Variants in PHF8 observed in about 807,000 individuals in gnomAD.
The protein encoded by PHF8 is PHD finger protein 8, also known as histone lysine demethylase PHF8.
PHF8 carries 9 observed loss-of-function variants against 74.4 expected under a neutral mutation model. The observed-to-expected ratio is 0.12, with a 90% CI of 0.07 to 0.21. PHF8 has a LOEUF of 0.21. Ranked by LOEUF, PHF8 falls within the 10% of genes least tolerant of loss-of-function variation. PHF8 has a pLI of 1.00. For missense variants in PHF8, 478 were observed against 816.6 expected, an observed-to-expected ratio of 0.59 and a Z score of 5.05; for synonymous variants, 311 against 316.6, an observed-to-expected ratio of 0.98 and a Z score of 0.19.
upstream of PHF8, among the ~76,000 whole-genome samples, chrX:54,047,017 T>C (rs1368936891): frequency 9.0e-6 from 1 of 111,504 alleles, no homozygotes; most frequent in Non-Finnish European, 1.9e-5. Context: ...TTTGAACCAA[T>C]TGTTGTTTAA....
chrX:54,039,633 T>C (rs1403318255), intron 2 of PHF8: 3 of 112,253 alleles, frequency 2.7e-5, no homozygotes, highest in African/African-American at 9.7e-5. Context: ...GCAAAGATGC[T>C]TTCCATAATG....
chrX:53,956,018 G>A (rs1411752111), intron 19 of PHF8, among the ~76,000 whole-genome samples: 4 of 111,044 alleles, frequency 3.6e-5, no homozygotes, highest in Non-Finnish European at 7.5e-5. Context: ...AGGCTGAGGC[G>A]GGCTAATCAC....
chrX:54,013,585 A>G (rs1279976605), intron 7 of PHF8, among the ~76,000 whole-genome samples: 1 of 110,950 alleles, frequency 9.0e-6, no homozygotes, highest in Non-Finnish European at 1.9e-5. Flanking sequence ...TGGGAGGTGG[A>G]GGCAAGCAGA....
chrX:53,971,685 C>T (rs991092986), intron 18 of PHF8, among the ~76,000 whole-genome samples: 4 of 111,615 alleles, frequency 3.6e-5, no homozygotes, highest in Non-Finnish European at 5.6e-5. Context: ...AAACAACCAT[C>T]AGAGAATACT....
At chrX:54,042,899 T>C (rs1343444186) in intron 1 of PHF8, 79 bp from the exon 2 acceptor site, 26 of 704,033 alleles carry the variant, frequency 3.7e-5, no homozygotes, top group Non-Finnish European at 5.1e-5. Context: ...AGTTCTCCAA[T>C]AGAGTTACCG....
chrX:54,002,346 G>C, intron 9 of PHF8, 85 bp from the exon 10 acceptor site: 1 of 618,407 alleles, frequency 1.6e-6, no homozygotes, highest in Non-Finnish European at 2.7e-6. Context: ...TGGATGCTTT[G>C]TATCTCTAAT....
intron 18 of PHF8, among the ~76,000 whole-genome samples, chrX:53,964,883 AAAAAAG>A (rs1557092008): frequency 9.2e-6 from 1 of 109,105 alleles, no homozygotes; most frequent in African/African-American, 3.3e-5. Flanking sequence ...AAAAAAAAAA[AAAAAAG>A]AAAAGAAAGA....
chrX:53,984,124 C>T (rs1028141270), intron 18 of PHF8, among the ~76,000 whole-genome samples: 5 of 112,336 alleles, frequency 4.5e-5, no homozygotes, highest in African/African-American at 1.6e-4. Flanking sequence ...CACTTTGGGA[C>T]GCCAAGGCAG....
At chrX:53,981,135 A>G (rs1557097850) in intron 18 of PHF8, among the ~76,000 whole-genome samples, 1 of 112,592 alleles carries the variant, frequency 8.9e-6, no homozygotes, top group Non-Finnish European at 1.9e-5. Flanking sequence ...AACTGTTTGA[A>G]CCAGGAAGGC....
upstream of PHF8, among the ~76,000 whole-genome samples, chrX:54,046,031 C>T (rs2066631520): frequency 1.8e-5 from 2 of 110,000 alleles, no homozygotes; most frequent in Non-Finnish European, 3.8e-5. Context: ...TCACTGCACC[C>T]TAGAACTCCT....
intron 19 of PHF8, among the ~76,000 whole-genome samples, chrX:53,955,233 A>C (rs782502815): frequency 9.0e-6 from 1 of 110,801 alleles, no homozygotes; most frequent in Non-Finnish European, 1.9e-5. Flanking sequence ...TAATTATATC[A>C]TATCTCTATT....
chrX:54,033,824 G>A (rs782103134), intron 2 of PHF8, among the ~76,000 whole-genome samples: 143 of 111,231 alleles, frequency 1.3e-3, no homozygotes, highest in African/African-American at 4.3e-3. Context: ...TTGGGAGGCT[G>A]AGGCAGGAGA....
intron 20 of PHF8, chrX:53,942,757 T>TG: frequency 1.3e-6 from 1 of 752,333 alleles, no homozygotes; most frequent in Non-Finnish European, 1.6e-6. Context: ...GTAAGGGATC[T>TG]GATAGGGTAT....
At chrX:53,979,982 G>A (rs1266589946) in intron 18 of PHF8, among the ~76,000 whole-genome samples, 1 of 111,283 alleles carries the variant, frequency 9.0e-6, no homozygotes. Context: ...GAGCGAGACT[G>A]TGTCTAAATA....
chrX:54,020,058 C>T (rs1168457509), intron 4 of PHF8, among the ~76,000 whole-genome samples: 4 of 108,306 alleles, frequency 3.7e-5, no homozygotes, highest in East Asian at 6.0e-4. Context: ...TGGTGGCAGG[C>T]GCCAGTAATC....
intron 19 of PHF8, among the ~76,000 whole-genome samples, chrX:53,954,381 T>C (rs781928673): frequency 6.5e-4 from 69 of 105,735 alleles, no homozygotes; most frequent in Non-Finnish European, 1.1e-3. Flanking sequence ...GTGCCTGTAG[T>C]CCCAGCTACT....
intron 18 of PHF8, among the ~76,000 whole-genome samples, chrX:53,974,919 G>C (rs1365607755): frequency 2.7e-5 from 3 of 111,619 alleles, no homozygotes; most frequent in Non-Finnish European, 5.6e-5. Context: ...TCAGTGGTGG[G>C]GAAGGAGAGT....
At chrX:54,047,999 C>T (rs1244744966), upstream of PHF8, among the ~76,000 whole-genome samples, 3 of 110,819 alleles carry the variant, frequency 2.7e-5, no homozygotes, top group Admixed American at 9.6e-5. Flanking sequence ...ACCATCCTGG[C>T]CAACATGGTG....
rs144113765 is a variant in PHF8, at chrX:54,018,927, C to T, written c.294-1106G>A. On this transcript the variant is annotated intron_variant, in intron 4 of 21. Coordinates refer to ENST00000338154, the MANE Select transcript of PHF8 (RefSeq NM_015107.3). The stretch of plus-strand genomic sequence containing the variant: ...GAGCCACTGTGCCTGGCCTGCCTAT[C>T]TCATTCTTTACATAATCCTAGATGG... Among the ~76,000 whole-genome samples the T allele has an allele frequency of 3.2e-3, 353 of 111,832 alleles. 4 individuals carry two copies. The highest frequency in any genetic ancestry group is 0.011 in the African/African-American group (331 of 30,827).
Sources: gnomAD v4.1 joint callset for allele counts (sites outside exome capture counted in the v4.1 genomes callset) on GRCh38, gnomAD v4.1.1 for gene constraint, MANE v1.5 for transcripts, NCBI Gene and HGNC (gene_info 2026-07-23, HGNC 2026-07-21) for gene names.